SORCS2: variants seen among roughly 807,000 people sequenced by gnomAD.
SORCS2 encodes sortilin related VPS10 domain containing receptor 2.
Under a neutral mutation model 141.6 loss-of-function variants are expected in SORCS2, and 100 were observed. The ratio of observed to expected loss-of-function variants is 0.71; its 90% CI spans 0.60 to 0.83. SORCS2 has a LOEUF of 0.83. Ranked by LOEUF, SORCS2 falls within the 40% of genes least tolerant of loss-of-function variation. The probability of loss-of-function intolerance (pLI) is 0.00; values close to 1 mark genes in which losing one functional copy is unlikely to be tolerated. For missense variants in SORCS2, 1,646 were observed against 1,560.2 expected, an observed-to-expected ratio of 1.05 and a Z score of -0.93; for synonymous variants, 789 against 676.9, an observed-to-expected ratio of 1.17 and a Z score of -2.57.
intron 2 of SORCS2, among the ~76,000 whole-genome samples, chr4:7,468,110 AGTT>A (rs1729732502): frequency 6.6e-6 from 1 of 152,200 alleles, no homozygotes. Context: ...TGCAAGGCAC[AGTT>A]GTTCTCTGCC....
At chr4:7,289,670 A>G (rs1228423148) in intron 1 of SORCS2, among the ~76,000 whole-genome samples, 2 of 152,184 alleles carry the variant, frequency 1.3e-5, no homozygotes, top group Non-Finnish European at 2.9e-5. Context: ...AAAGCTTTTC[A>G]TTAAAGCTCT....
chr4:7,302,766 C>CGTGT (rs766083519), intron 1 of SORCS2, among the ~76,000 whole-genome samples: 704 of 51,998 alleles, frequency 0.014, 7 homozygotes, highest in African/African-American at 0.027. Flanking sequence ...AGACAGTCCA[C>CGTGT]ATATGTGTGT....
At chr4:7,629,848 C>T (rs899027202) in intron 3 of SORCS2, among the ~76,000 whole-genome samples, 1 of 152,164 alleles carries the variant, frequency 6.6e-6, no homozygotes, top group Non-Finnish European at 1.5e-5. Flanking sequence ...GTTCTTCCTA[C>T]TGCATCCCCA....
At chr4:7,739,173 G>A (rs1712445470) in intron 26 of SORCS2, among the ~76,000 whole-genome samples, 1 of 152,224 alleles carries the variant, frequency 6.6e-6, no homozygotes, top group South Asian at 2.1e-4. Flanking sequence ...AAGAGGTGGA[G>A]CCGGGCTCAA....
chr4:7,707,807 A>C (rs1053028959), intron 14 of SORCS2, among the ~76,000 whole-genome samples: 2 of 152,216 alleles, frequency 1.3e-5, no homozygotes, highest in Non-Finnish European at 2.9e-5. Context: ...GGGTGGAGAC[A>C]GACGCTCATG....
At chr4:7,539,656 C>T (rs916786096) in intron 3 of SORCS2, among the ~76,000 whole-genome samples, 5 of 152,214 alleles carry the variant, frequency 3.3e-5, no homozygotes, top group Non-Finnish European at 5.9e-5. Context: ...GCCCTACAAA[C>T]TCCTTCCCAG....
At chr4:7,537,945 C>A (rs1712265467) in intron 3 of SORCS2, among the ~76,000 whole-genome samples, 1 of 152,096 alleles carries the variant, frequency 6.6e-6, no homozygotes, top group South Asian at 2.1e-4. Flanking sequence ...ATGATCCCAC[C>A]ACTACACTCC....
chr4:7,476,540 C>T (rs1250529671), intron 2 of SORCS2, among the ~76,000 whole-genome samples: 1 of 152,168 alleles, frequency 6.6e-6, no homozygotes, highest in African/African-American at 2.4e-5. Flanking sequence ...GAACCATAGC[C>T]TAGACAGGTT....
At chr4:7,512,792 A>G (rs1165757099) in intron 2 of SORCS2, among the ~76,000 whole-genome samples, 1 of 150,496 alleles carries the variant, frequency 6.6e-6, no homozygotes, top group Non-Finnish European at 1.5e-5. Flanking sequence ...TCCTTGTGTG[A>G]CCCCCACCAG....
chr4:7,604,158 G>A (rs1717910947), intron 3 of SORCS2, among the ~76,000 whole-genome samples: 2 of 152,074 alleles, frequency 1.3e-5, no homozygotes, highest in Admixed American at 6.5e-5. Context: ...GGTGGCTTTA[G>A]GGACTGATAT....
At chr4:7,447,394 C>T (rs1261217629) in intron 2 of SORCS2, among the ~76,000 whole-genome samples, 1 of 152,174 alleles carries the variant, frequency 6.6e-6, no homozygotes, top group East Asian at 1.9e-4. Flanking sequence ...CGGCTAAGTC[C>T]CTGGCACATG....
intron 1 of SORCS2, among the ~76,000 whole-genome samples, chr4:7,372,236 T>C (rs928705507): frequency 6.6e-6 from 1 of 152,200 alleles, no homozygotes; most frequent in Non-Finnish European, 1.5e-5. Flanking sequence ...TTGAATGCAG[T>C]AATAATGATT....
chr4:7,330,764 C>T (rs1240844497), intron 1 of SORCS2, among the ~76,000 whole-genome samples: 2 of 152,184 alleles, frequency 1.3e-5, no homozygotes, highest in South Asian at 2.1e-4. Flanking sequence ...GAAACGGAGA[C>T]TTCCAGGGAA....
chr4:7,643,167 C>T (rs1422644450), intron 4 of SORCS2, among the ~76,000 whole-genome samples: 1 of 152,210 alleles, frequency 6.6e-6, no homozygotes, highest in Non-Finnish European at 1.5e-5. Flanking sequence ...TAATTTGGGT[C>T]ACTGTGAGTC....
intron 3 of SORCS2, among the ~76,000 whole-genome samples, chr4:7,611,837 G>T (rs925641829): frequency 4.6e-5 from 7 of 152,272 alleles, no homozygotes; most frequent in African/African-American, 1.7e-4. Flanking sequence ...CACTGGTGCT[G>T]TTAGGACAGA....
Position 7,490,739 on chromosome 4 carries a change from G to T in SORCS2, c.549-40791G>T, listed in dbSNP as rs1331825114. ...TGCAGGTGAACACTGGCCAGTGTGT[G>T]TAATGGCTATGCCTGTGAGGCCCTC... On this transcript the variant is annotated intron_variant, in intron 2 of 26. Transcript: ENST00000507866. Among the ~76,000 whole-genome samples the T allele has an allele frequency of 2.0e-5, 3 of 152,184 alleles. 1 individual carries two copies. Among genetic ancestry groups the T allele is most frequent in the African/African-American group, 7.2e-5 (3 of 41,442 alleles).
chr4:7,200,191 G>A (rs919528043), intron 1 of SORCS2, among the ~76,000 whole-genome samples: 9 of 152,136 alleles, frequency 5.9e-5, no homozygotes, highest in East Asian at 5.8e-4. Flanking sequence ...GGTGGGAAGC[G>A]GGACCACCAG....
intron 3 of SORCS2, among the ~76,000 whole-genome samples, chr4:7,555,978 A>T (rs1237749034): frequency 2.6e-5 from 4 of 152,254 alleles, no homozygotes; most frequent in Non-Finnish European, 5.9e-5. Context: ...GCAGTGGGTA[A>T]GAGTCCTGGA....
At chr4:7,297,700 G>A (rs535394629) in intron 1 of SORCS2, among the ~76,000 whole-genome samples, 7 of 152,352 alleles carry the variant, frequency 4.6e-5, no homozygotes, top group South Asian at 4.1e-4. Context: ...AAGAGCTGCC[G>A]TGTAGAAGGG....
Sources: allele counts gnomAD v4.1 joint callset (sites outside exome capture counted in the v4.1 genomes callset), GRCh38; gene constraint gnomAD v4.1.1; transcripts MANE v1.5; gene names NCBI Gene and HGNC (gene_info 2026-07-23, HGNC 2026-07-21).